Variants in SGCE observed in about 807,000 individuals in gnomAD.
SGCE encodes sarcoglycan epsilon.
Under a neutral mutation model 57.8 loss-of-function variants are expected in SGCE, and 26 were observed. The observed-to-expected ratio is 0.45, with a 90% CI of 0.33 to 0.62. The LOEUF (loss-of-function observed/expected upper bound fraction) is 0.62, where lower values mean the gene tolerates loss of function less well. Ranked by LOEUF, SGCE falls within the 20% of genes least tolerant of loss-of-function variation. SGCE has a pLI of 0.02. For synonymous variants in SGCE, 183 were observed against 189.5 expected, an observed-to-expected ratio of 0.97 and a Z score of 0.28; for missense variants, 468 against 548.6, an observed-to-expected ratio of 0.85 and a Z score of 1.47.
chr7:94,631,181 G>T (rs1410623941), intron 1 of SGCE, among the ~76,000 whole-genome samples: 1 of 151,894 alleles, frequency 6.6e-6, no homozygotes, highest in Non-Finnish European at 1.5e-5. Context: ...TTCCCCTGTG[G>T]CATTTACAGT....
At chr7:94,588,992 T>A (rs536944698) in intron 9 of SGCE, 2 of 476,192 alleles carry the variant, frequency 4.2e-6, no homozygotes, top group Non-Finnish European at 7.7e-6. Flanking sequence ...CCCTAAGAGG[T>A]AGGTGTTAAT....
At chr7:94,645,112 C>T (rs531961104) in intron 1 of SGCE, among the ~76,000 whole-genome samples, 16 of 152,258 alleles carry the variant, frequency 1.1e-4, no homozygotes, top group Middle Eastern at 3.4e-3. Context: ...TAACCCATTT[C>T]GTGGTTGACT....
chr7:94,647,410 C>A (rs1381714549), intron 1 of SGCE, among the ~76,000 whole-genome samples: 1 of 152,174 alleles, frequency 6.6e-6, no homozygotes, highest in African/African-American at 2.4e-5. Flanking sequence ...CGCTAGCCCA[C>A]AAGGTCATCA....
chr7:94,629,746 C>T lies in SGCE; in HGVS notation c.205G>A (p.Gly69Arg), dbSNP rs754959062. ...GGTTTTGGGTAAGGTGGAAATTCCCCCTTAAAATATTCTCTTTCCAAAACA... is the reference window on the plus strand; with the variant it reads ...GGTTTTGGGTAAGGTGGAAATTCCCTCTTAAAATATTCTCTTTCCAAAACA... ...VHVLEREYFKGEFPPYPKPGE... is the reference protein window; with the variant it reads ...VHVLEREYFKREFPPYPKPGE... Residue 69 changes from glycine (G) to arginine (R), a missense_variant, in exon 2 of 11, where the codon GGG (glycine) becomes AGG (arginine). Physicochemically the swap from Gly to Arg is moderately radical, Grantham distance 125 (BLOSUM62 -2). Coordinates refer to ENST00000648936, the MANE Select transcript of SGCE (RefSeq NM_003919.3). The T allele has an allele frequency of 9.3e-6, 15 of 1,611,140 alleles. No homozygotes were observed. Among genetic ancestry groups the T allele is most frequent in the Non-Finnish European group, 1.2e-5 (14 of 1,177,856 alleles).
intron 4 of SGCE, chr7:94,620,427 T>C (rs879644216): frequency 1.3e-5 from 2 of 152,220 alleles, no homozygotes; most frequent in Non-Finnish European, 2.9e-5. Context: ...AAAATATATT[T>C]ATTCTCATAT....
Position 94,612,129 on chromosome 7 carries a change from C to G in SGCE, c.662+6629G>C, listed in dbSNP as rs139043444. Among the ~76,000 whole-genome samples the G allele has an allele frequency of 5.0e-4, 76 of 152,198 alleles. 2 individuals are homozygous for G. The East Asian group carries it at 0.014, about 27-fold the overall frequency. ...AAGGACCGAGATTAAATGAATGTTT[C>G]TTACAACTGTTAATGGCCCTCTTGC... On this transcript the variant is annotated intron_variant, in intron 5 of 10. Transcript: ENST00000648936.
chr7:94,637,611 G>A (rs183943410), intron 1 of SGCE, among the ~76,000 whole-genome samples: 100 of 152,270 alleles, frequency 6.6e-4, no homozygotes, highest in African/African-American at 2.3e-3. Flanking sequence ...TATATGTCAA[G>A]GTCTTGAAAT....
intron 10 of SGCE, chr7:94,587,314 GGTAA>G (rs1436639793): frequency 1.0e-5 from 10 of 995,880 alleles, no homozygotes; most frequent in Non-Finnish European, 1.1e-5. Flanking sequence ...TCCCCTAGTG[GGTAA>G]GTAAGTAAAA....
chr7:94,615,507 G>A (rs536997635), intron 5 of SGCE, among the ~76,000 whole-genome samples: 2 of 152,164 alleles, frequency 1.3e-5, no homozygotes, highest in African/African-American at 4.8e-5. Context: ...CTTTCCATCA[G>A]ACCAATATTG....
At chr7:94,629,200 A>G (rs1384226474) in intron 2 of SGCE, 1 of 152,970 alleles carries the variant, frequency 6.5e-6, no homozygotes, top group Non-Finnish European at 1.5e-5. Context: ...AAAATAACAT[A>G]TTTAAACCAA....
At chr7:94,612,254 TG>T (rs550160135) in intron 5 of SGCE, among the ~76,000 whole-genome samples, 26 of 152,290 alleles carry the variant, frequency 1.7e-4, no homozygotes, top group African/African-American at 5.5e-4. Flanking sequence ...TGCTTTGAAA[TG>T]TTTTTTTTCT....
At chr7:94,606,726 T>C (rs565244664) in intron 5 of SGCE, among the ~76,000 whole-genome samples, 3 of 152,072 alleles carry the variant, frequency 2.0e-5, no homozygotes, top group Non-Finnish European at 4.4e-5. Flanking sequence ...CCATAAAAAA[T>C]TAACAAATTT....
intron 5 of SGCE, among the ~76,000 whole-genome samples, chr7:94,616,535 T>C (rs1011979668): frequency 2.0e-5 from 3 of 152,202 alleles, no homozygotes; most frequent in African/African-American, 2.4e-5. Flanking sequence ...TTAAAGGATT[T>C]ATAGCCCCTG....
At chr7:94,594,651 A>G (rs1286640874) in intron 9 of SGCE, 1 of 152,118 alleles carries the variant, frequency 6.6e-6, no homozygotes, top group African/African-American at 2.4e-5. Flanking sequence ...ATTGTGACAA[A>G]TGTACCATGG....
intron 9 of SGCE, chr7:94,598,087 A>C (rs1798682862): frequency 6.4e-6 from 1 of 156,886 alleles, no homozygotes; most frequent in Non-Finnish European, 1.4e-5. Flanking sequence ...AAATGTGGCC[A>C]CTAGGCTACA....
chr7:94,618,711 G>A (rs1195886778), intron 5 of SGCE, 47 bp downstream of exon 5: 15 of 1,478,254 alleles, frequency 1.0e-5, no homozygotes, highest in Middle Eastern at 1.7e-4. Flanking sequence ...TAAGATCACC[G>A]TATTTAAAAA....
chr7:94,635,223 T>C (rs1321692934), intron 1 of SGCE, among the ~76,000 whole-genome samples: 1 of 152,214 alleles, frequency 6.6e-6, no homozygotes, highest in East Asian at 1.9e-4. Context: ...AATATGATAG[T>C]ATATATTTCA....
At chr7:94,598,988 C>T (rs540634081) in intron 8 of SGCE, 25 bp from the exon 9 acceptor site, 1 of 1,579,518 alleles carries the variant, frequency 6.3e-7, no homozygotes, top group South Asian at 1.1e-5. Context: ...AATAAAACAA[C>T]ATATATTTAA....
In SGCE at chr7:94,656,035, TC is replaced by T. The variant is rs760824608; in HGVS notation, c.63del (p.Thr22HisfsTer4). 2 of 1,612,998 alleles carry T rather than the reference TC, an allele frequency of 1.2e-6. No individual in the cohort carries two copies. Among genetic ancestry groups the T allele is most frequent in the Non-Finnish European group, 1.7e-6 (2 of 1,179,254 alleles). On this transcript the variant is annotated frameshift_variant, in exon 1 of 11. Coordinates refer to ENST00000648936, the MANE Select transcript of SGCE (RefSeq NM_003919.3). LOFTEE classifies it high-confidence loss of function. ...DPCAWTGQGR[G>X]TRRMSPATTG... ...GTGGTCGCGGGGCTCATCCTGCGTGTCCCCCGACCCTGTCCCGTCCAAGCAC... is the reference window on the plus strand; with the variant it reads ...GTGGTCGCGGGGCTCATCCTGCGTGTCCCCGACCCTGTCCCGTCCAAGCAC...
Sources: gnomAD v4.1 joint callset for allele counts (sites outside exome capture counted in the v4.1 genomes callset) on GRCh38, gnomAD v4.1.1 for gene constraint, MANE v1.5 for transcripts, NCBI Gene and HGNC (gene_info 2026-07-23, HGNC 2026-07-21) for gene names.